Variants in SPECC1 observed in about 807,000 individuals in gnomAD.
SPECC1 encodes the protein cytospin-B.
In SPECC1, 62 loss-of-function variants were observed where a neutral mutation model predicts 104.1. The observed-to-expected ratio is 0.60, with a 90% CI of 0.49 to 0.74. The LOEUF (loss-of-function observed/expected upper bound fraction) is 0.74, where lower values mean the gene tolerates loss of function less well. Among genes scored for constraint, SPECC1 ranks in the 30% least tolerant of loss-of-function variants. SPECC1 has a pLI of 0.00. For synonymous variants in SPECC1, 513 were observed against 501.6 expected (o/e 1.02, Z -0.30); for missense variants, 1,306 against 1,310.5 (o/e 1.00, Z 0.05).
chr17:20,040,151 G>GTA (rs60448573), intron 1 of SPECC1, among the ~76,000 whole-genome samples: 1,851 of 150,072 alleles, frequency 0.012, 40 homozygotes, highest in African/African-American at 0.04. Context: ...TACATTATAT[G>GTA]TATATATATA....
In SPECC1 at chr17:20,204,985, A is replaced by C. The variant is rs2151350080; in HGVS notation, c.936A>C (p.Ser312=). The part of the protein sequence containing the change: ...KNIHGNALRT[S]GSSSSDVTKA... ...TACATGGAAATGCATTACGGACATC[A>C]GGCTCCTCAAGTAGCGATGTTACCA... The change falls in exon 4 of 15, where the codon TCA becomes TCC. Residue 312 remains serine (S), a synonymous_variant. Transcript: ENST00000395527. The C allele has an allele frequency of 3.7e-6, 6 of 1,614,218 alleles. No homozygotes were observed. In the South Asian group the frequency reaches 5.5e-5, roughly 15 times the overall value.
rs1478824509 is a variant in SPECC1, at chr17:20,206,224, C to A, written c.1863+312C>A. Among the ~76,000 whole-genome samples, 5 of 152,300 alleles carry A rather than the reference C, an allele frequency of 3.3e-5. No homozygotes were observed. The East Asian group carries it at 5.8e-4, about 18-fold the overall frequency. On this transcript the variant is annotated intron_variant, in intron 4 of 14. Coordinates refer to ENST00000395527, the MANE Select transcript of SPECC1 (RefSeq NM_001243439.2). ...CTAGTCTAGTGCAAAGGAGGGGCAT[C>A]TGGTGTAACGTGGGGGTTGGGCGTA...
intron 12 of SPECC1, among the ~76,000 whole-genome samples, chr17:20,266,346 G>A (rs1171059996): frequency 6.6e-6 from 1 of 152,236 alleles, no homozygotes; most frequent in Admixed American, 6.5e-5. Flanking sequence ...CACTTTGGGA[G>A]GCTGAGGCGG....
rs2042064629 is a variant in SPECC1 at position 20,318,263 on chromosome 17, AT to A, written c.*4202del. 1.7e-5 allele frequency: 4 copies of A among 232,280 alleles called. No homozygotes were observed. Among genetic ancestry groups the A allele is most frequent in the Non-Finnish European group, 3.4e-5 (4 of 117,480 alleles). 14.4% of individuals were successfully genotyped at this position (232,280 alleles called of 1,614,324 possible). The stretch of plus-strand genomic sequence containing the variant: ...GTTCTCTGCATTGAACATGGATTGA[AT>A]TTTCCTTGTCTGATGGTAACCCATG... On this transcript the variant is annotated 3_prime_UTR_variant, in exon 15 of 15. Transcript: ENST00000395527.
At chr17:20,237,318 T>G (rs1045070495) in intron 7 of SPECC1, 45 of 970,184 alleles carry the variant, frequency 4.6e-5, no homozygotes, top group Admixed American at 1.1e-4. Context: ...TTGTTTTGTT[T>G]TTTTTTTTTT....
chr17:20,255,386 A>T (rs2039787970), intron 10 of SPECC1, among the ~76,000 whole-genome samples: 1 of 152,366 alleles, frequency 6.6e-6, no homozygotes, highest in Admixed American at 6.5e-5. Flanking sequence ...AAAAGAGGGA[A>T]TAATTTGATG....
At chr17:20,224,449 G>T (rs201447483) in intron 4 of SPECC1, among the ~76,000 whole-genome samples, 1 of 152,214 alleles carries the variant, frequency 6.6e-6, no homozygotes, top group African/African-American at 2.4e-5. Context: ...TTCCCTTCTA[G>T]CCCAGAGTGG....
chr17:20,252,946 T>C (rs1317016640), intron 9 of SPECC1, among the ~76,000 whole-genome samples: 1 of 152,182 alleles, frequency 6.6e-6, no homozygotes, highest in Non-Finnish European at 1.5e-5. Context: ...ACCTCCATAC[T>C]GTTCTGCGTA....
At chr17:20,167,414 C>T (rs952397916) in intron 3 of SPECC1, among the ~76,000 whole-genome samples, 4 of 152,062 alleles carry the variant, frequency 2.6e-5, no homozygotes, top group African/African-American at 9.7e-5. Flanking sequence ...CGCAGTGGCT[C>T]ACGGCCTGTA....
intron 12 of SPECC1, among the ~76,000 whole-genome samples, chr17:20,274,582 G>A (rs1325153156): frequency 6.9e-6 from 1 of 144,772 alleles, no homozygotes; most frequent in African/African-American, 2.6e-5. Context: ...CCAGGTTCAA[G>A]TGATTCTCCT....
At chr17:20,270,963 TGTTA>T (rs1271938961) in intron 12 of SPECC1, among the ~76,000 whole-genome samples, 2 of 152,242 alleles carry the variant, frequency 1.3e-5, no homozygotes, top group Non-Finnish European at 2.9e-5. Flanking sequence ...TTTATCAACT[TGTTA>T]GTTATTTATA....
At chr17:20,253,201 T>C (rs1474441571) in intron 9 of SPECC1, among the ~76,000 whole-genome samples, 1 of 152,156 alleles carries the variant, frequency 6.6e-6, no homozygotes, top group Non-Finnish European at 1.5e-5. Context: ...TGAATATACA[T>C]AGAACATTCC....
chr17:20,257,418 T>C, intron 10 of SPECC1, 33 bp from the exon 11 acceptor site: 2 of 1,541,814 alleles, frequency 1.3e-6, no homozygotes, highest in Middle Eastern at 1.7e-4. Flanking sequence ...GCTGCTTCTT[T>C]GGGAATGAGT....
Position 20,257,610 on chromosome 17 carries a change from A to T in SPECC1, c.2837+3A>T, listed in dbSNP as rs1310898169. 6.2e-7 allele frequency: 1 copy of T among 1,611,784 alleles called. No individual in the cohort carries two copies. The highest frequency in any genetic ancestry group is 8.5e-7 in the Non-Finnish European group (1 of 1,179,518). ...TGGAAACCACAAAGCAAACTCAGGTATCGTGTTTCAAACAATAAGAAATCA... is the reference window on the plus strand; with the variant it reads ...TGGAAACCACAAAGCAAACTCAGGTTTCGTGTTTCAAACAATAAGAAATCA... On this transcript the variant is annotated splice_donor_region_variant and intron_variant, in intron 11 of 14. Coordinates refer to ENST00000395527, the MANE Select transcript of SPECC1 (RefSeq NM_001243439.2).
chr17:20,132,709 G>GTAGT (rs1333502153), intron 3 of SPECC1, among the ~76,000 whole-genome samples: 1 of 141,478 alleles, frequency 7.1e-6, no homozygotes, highest in African/African-American at 2.7e-5. Flanking sequence ...AATTTTATGT[G>GTAGT]TAGTTATTTA....
intron 3 of SPECC1, among the ~76,000 whole-genome samples, chr17:20,144,092 A>G (rs987107382): frequency 6.6e-6 from 1 of 152,164 alleles, no homozygotes; most frequent in African/African-American, 2.4e-5. Context: ...GACTCCCAGA[A>G]ATACTGCGGG....
chr17:20,123,978 CAG>C (rs1011446198), intron 3 of SPECC1, among the ~76,000 whole-genome samples: 29 of 152,252 alleles, frequency 1.9e-4, no homozygotes, highest in Admixed American at 6.5e-4. Context: ...GATTAGGAAA[CAG>C]GGGCTGAAAG....
intron 7 of SPECC1, chr17:20,236,798 TAAG>T (rs2038940463): frequency 1.9e-6 from 3 of 1,605,326 alleles, no homozygotes. Context: ...GTTTGTGAAC[TAAG>T]ACTGTATTGC....
rs1389066964 is a variant in SPECC1 at position 20,150,117 on chromosome 17, C to T, written c.283+39555C>T. On this transcript the variant is annotated intron_variant, in intron 3 of 14. Coordinates refer to ENST00000395527, the MANE Select transcript of SPECC1 (RefSeq NM_001243439.2). ...CCTCCCGAGTAGCTGGGACTACAGG[C>T]GCCCGCCACCACGCCCGGCTAATTT... is the stretch of plus-strand genomic sequence containing the variant. Among the ~76,000 whole-genome samples, 7 of 151,152 alleles carry T rather than the reference C, an allele frequency of 4.6e-5. No individual in the cohort carries two copies. The East Asian group carries it at 6.0e-4, about 13-fold the overall frequency.
Sources: gnomAD v4.1 joint callset for allele counts (sites outside exome capture counted in the v4.1 genomes callset) on GRCh38, gnomAD v4.1.1 for gene constraint, MANE v1.5 for transcripts, NCBI Gene and HGNC (gene_info 2026-07-23, HGNC 2026-07-21) for gene names.